FBXO28: variants seen among roughly 807,000 people sequenced by gnomAD.
FBXO28 encodes F-box only protein 28.
In FBXO28, 8 loss-of-function variants were observed where a neutral mutation model predicts 38.1. That is an observed-to-expected ratio of 0.21 (90% CI 0.12 to 0.38). FBXO28 has a LOEUF of 0.38. FBXO28 is among the 10% of genes least tolerant of loss of function. The pLI is 1.00. For missense variants in FBXO28, 345 were observed against 460.6 expected (o/e 0.75, Z 2.30); for synonymous variants, 168 against 173.8 (o/e 0.97, Z 0.26).
intron 3 of FBXO28, among the ~76,000 whole-genome samples, chr1:224,146,830 C>G (rs1657519386): frequency 6.6e-6 from 1 of 150,622 alleles, no homozygotes; most frequent in African/African-American, 2.4e-5. Context: ...GCCTCAGCCT[C>G]CCGAGTAGCT....
intron 3 of FBXO28, among the ~76,000 whole-genome samples, chr1:224,146,995 C>A (rs1173057159): frequency 6.6e-6 from 1 of 151,630 alleles, no homozygotes; most frequent in Non-Finnish European, 1.5e-5. Context: ...CGTGAGCCAC[C>A]GTGCCTGGCC....
intron 1 of FBXO28, among the ~76,000 whole-genome samples, chr1:224,123,349 G>A (rs540518611): frequency 1.1e-4 from 16 of 150,104 alleles, no homozygotes; most frequent in African/African-American, 3.7e-4. Context: ...GCTGAGGTGG[G>A]AGGATTGCCT....
At chr1:224,151,140 C>G (rs1475311343) in intron 3 of FBXO28, among the ~76,000 whole-genome samples, 1 of 152,092 alleles carries the variant, frequency 6.6e-6, no homozygotes, top group Non-Finnish European at 1.5e-5. Flanking sequence ...GTAATATTGC[C>G]AGAAATAAAT....
intron 3 of FBXO28, among the ~76,000 whole-genome samples, chr1:224,145,387 C>T (rs948010353): frequency 2.0e-5 from 3 of 150,012 alleles, no homozygotes; most frequent in African/African-American, 7.4e-5. Context: ...GAACTTAACA[C>T]TTGTTTATAT....
rs969611614 is a variant in FBXO28 at position 224,157,879 on chromosome 1, C to T, written c.*133C>T. On this transcript the variant is annotated 3_prime_UTR_variant, in exon 5 of 5. Coordinates refer to ENST00000366862, the MANE Select transcript of FBXO28 (RefSeq NM_015176.4). ...TCAGAACACAACTTAAACTTGAACT[C>T]TTATGGTTGGGACATTCTTTTCCTG... The T allele has an allele frequency of 2.1e-6, 3 of 1,434,768 alleles. No individual in the cohort carries two copies. Among genetic ancestry groups the T allele is most frequent in the Non-Finnish European group, 2.7e-6 (3 of 1,100,730 alleles). The allele number at this position is 1,434,768 out of a possible 1,614,324, so 88.9% of individuals were successfully genotyped here.
intron 3 of FBXO28, among the ~76,000 whole-genome samples, chr1:224,138,456 T>A (rs1657249903): frequency 6.6e-6 from 1 of 151,908 alleles, no homozygotes; most frequent in Admixed American, 6.5e-5. Context: ...ATAGGCTAAA[T>A]AGGGGTATAG....
In FBXO28 at chr1:224,136,101, G is replaced by GTTTTTTTTTTTTTTT. The variant is rs397982996; in HGVS notation, c.516+1895_516+1909dup. 5.7e-4 allele frequency among the ~76,000 whole-genome samples: 43 copies of GTTTTTTTTTTTTTTT among 75,128 alleles called. 11 individuals are homozygous for GTTTTTTTTTTTTTTT. The highest frequency in any genetic ancestry group is 1.6e-3 in the African/African-American group (29 of 17,988). 49.3% of individuals were successfully genotyped at this position (75,128 alleles called of 152,430 possible). A position where few individuals can be genotyped will look rare whatever the true frequency, so the allele number is the denominator to read the frequency against. On this transcript the variant is annotated intron_variant, in intron 3 of 4. Coordinates refer to ENST00000366862, the MANE Select transcript of FBXO28 (RefSeq NM_015176.4). ...TTTTGGAAACCATTTGTTGACTTCAGTTTTTTTTTTTTTTTTTTTTGAGAT... is the reference window on the plus strand; with the variant it reads ...TTTTGGAAACCATTTGTTGACTTCAGTTTTTTTTTTTTTTTTTTTTTTTTTTTTTTTTTTTGAGAT...
At chr1:224,118,413 C>T (rs1457697437) in intron 1 of FBXO28, among the ~76,000 whole-genome samples, 1 of 152,106 alleles carries the variant, frequency 6.6e-6, no homozygotes, top group Non-Finnish European at 1.5e-5. Context: ...CTCTGCGATT[C>T]AACTGGAGCT....
At chr1:224,126,064 C>A (rs1367477241) in intron 1 of FBXO28, among the ~76,000 whole-genome samples, 1 of 152,232 alleles carries the variant, frequency 6.6e-6, no homozygotes, top group African/African-American at 2.4e-5. Context: ...TCATTCCAGA[C>A]TTTGTGCCTT....
intron 1 of FBXO28, among the ~76,000 whole-genome samples, chr1:224,126,084 C>G (rs1033145740): frequency 3.9e-5 from 6 of 152,160 alleles, no homozygotes; most frequent in Admixed American, 6.5e-5. Flanking sequence ...TTGCATACAC[C>G]ATTACATCTA....
rs746911613 is a variant in FBXO28, at chr1:224,157,578, A to G, written c.939A>G (p.Gln313=). The G allele has an allele frequency of 3.7e-6, 6 of 1,614,264 alleles. No homozygotes were observed. In the South Asian group the frequency reaches 5.5e-5, roughly 15 times the overall value. ...LLEQTQIIGE[Q]NARLAELERK... ...AGCAGACCCAGATCATAGGTGAACAAAATGCACGGTTGGCAGAGCTAGAAC... is the reference window on the plus strand; with the variant it reads ...AGCAGACCCAGATCATAGGTGAACAGAATGCACGGTTGGCAGAGCTAGAAC... Residue 313 remains glutamine (Q), a synonymous_variant, in exon 5 of 5, where the codon CAA becomes CAG. Coordinates refer to ENST00000366862, the MANE Select transcript of FBXO28 (RefSeq NM_015176.4).
chr1:224,130,498 C>T lies in FBXO28; in HGVS notation c.294C>T (p.Cys98=). 6.2e-7 allele frequency: 1 copy of T among 1,613,664 alleles called. No homozygotes were observed. Among genetic ancestry groups the T allele is most frequent in the Admixed American group, 1.7e-5 (1 of 60,000 alleles). ...TTTGTAAAAGAATGGACTTGGTCTG[C>T]CAGAGAATGTTGAATCAGGGATTTC... ...RLVCKRMDLV[C]QRMLNQGFLK... The change falls in exon 2 of 5, where the codon TGC becomes TGT. Residue 98 remains cysteine, a synonymous_variant. Coordinates refer to ENST00000366862, the MANE Select transcript of FBXO28 (RefSeq NM_015176.4).
At chr1:224,154,343 T>C (rs909296446) in intron 4 of FBXO28, among the ~76,000 whole-genome samples, 26 of 152,242 alleles carry the variant, frequency 1.7e-4, no homozygotes, top group African/African-American at 6.3e-4. Flanking sequence ...TTCTACTAAA[T>C]GTCTATCACT....
intron 3 of FBXO28, among the ~76,000 whole-genome samples, chr1:224,144,032 T>G (rs1023464835): frequency 2.0e-5 from 3 of 151,126 alleles, no homozygotes; most frequent in Non-Finnish European, 2.9e-5. Context: ...GCACCTGTAA[T>G]CCCAGCTACT....
intron 3 of FBXO28, among the ~76,000 whole-genome samples, chr1:224,150,308 G>A (rs959443763): frequency 6.6e-6 from 1 of 152,082 alleles, no homozygotes; most frequent in Non-Finnish European, 1.5e-5. Context: ...CAACAAGAGC[G>A]AAGCTCCGTC....
At chr1:224,124,226 CAAAG>C (rs1656850363) in intron 1 of FBXO28, among the ~76,000 whole-genome samples, 1 of 152,194 alleles carries the variant, frequency 6.6e-6, no homozygotes. Flanking sequence ...AATCTAAAAA[CAAAG>C]AAAATTTTTC....
At chr1:224,120,572 T>C (rs1029548134) in intron 1 of FBXO28, among the ~76,000 whole-genome samples, 4 of 152,164 alleles carry the variant, frequency 2.6e-5, no homozygotes, top group Admixed American at 2.0e-4. Context: ...AAAATATATG[T>C]CATTGTAGGG....
intron 3 of FBXO28, among the ~76,000 whole-genome samples, chr1:224,142,699 T>TA (rs1393441325): frequency 6.6e-6 from 1 of 151,900 alleles, no homozygotes; most frequent in Non-Finnish European, 1.5e-5. Flanking sequence ...CCTGTAATCC[T>TA]AGCACTTCGG....
At chr1:224,147,538 G>A (rs1159368372) in intron 3 of FBXO28, among the ~76,000 whole-genome samples, 1 of 152,116 alleles carries the variant, frequency 6.6e-6, no homozygotes, top group Non-Finnish European at 1.5e-5. Flanking sequence ...GTATTAGGTA[G>A]TGTAGGTAAT....
Sources: allele counts gnomAD v4.1 joint callset (sites outside exome capture counted in the v4.1 genomes callset), GRCh38; gene constraint gnomAD v4.1.1; transcripts MANE v1.5; gene names NCBI Gene and HGNC (gene_info 2026-07-23, HGNC 2026-07-21).